Variants in SEC14L1 observed in about 807,000 individuals in gnomAD.
SEC14L1 encodes SEC14-like protein 1.
A neutral mutation model predicts 85.3 loss-of-function variants in SEC14L1; 48 were observed. The observed-to-expected ratio is 0.56, with a 90% CI of 0.45 to 0.72. The LOEUF is 0.72. Ranked by LOEUF, SEC14L1 falls within the 30% of genes least tolerant of loss-of-function variation. The pLI is 0.00. For missense variants in SEC14L1, 682 were observed against 921.4 expected (o/e 0.74, Z 3.36); for synonymous variants, 391 against 355.5 (o/e 1.10, Z -1.12).
Position 77,213,723 on chromosome 17 carries a change from C to A in SEC14L1, c.2043-195C>A. 1 of 864,392 alleles carries A rather than the reference C, an allele frequency of 1.2e-6. No individual in the cohort carries two copies. The highest frequency in any genetic ancestry group is 1.9e-6 in the Non-Finnish European group (1 of 532,748). 53.5% of individuals were successfully genotyped at this position (864,392 alleles called of 1,614,324 possible). Reference sequence around the variant, plus strand: ...CTGACTGCCTTTGCTTTAGCTCACACTGCCGTCTGCGTGCAGGCTGTGGGA... The same window carrying A: ...CTGACTGCCTTTGCTTTAGCTCACAATGCCGTCTGCGTGCAGGCTGTGGGA... On this transcript the variant is annotated intron_variant, in intron 16 of 16. Coordinates refer to ENST00000436233, the MANE Select transcript of SEC14L1 (RefSeq NM_001143998.2). The surrounding 1 kb of genome is among the most constrained non-coding windows in gnomAD (Gnocchi z 7.1).
chr17:77,203,518 T>C, intron 9 of SEC14L1, 52 bp from the exon 10 acceptor site: 1 of 1,474,808 alleles, frequency 6.8e-7, no homozygotes, highest in Non-Finnish European at 9.5e-7. Flanking sequence ...AGTTGTATCC[T>C]CAGTTTCAAC....
intron 3 of SEC14L1, among the ~76,000 whole-genome samples, chr17:77,115,779 G>C (rs1240750100): frequency 1.3e-5 from 2 of 152,154 alleles, no homozygotes; most frequent in African/African-American, 4.8e-5. Flanking sequence ...AGAGGTCGTG[G>C]GAGCTGTTTT....
chr17:77,155,855 C>G (rs1159379455), intron 3 of SEC14L1, among the ~76,000 whole-genome samples: 1 of 152,160 alleles, frequency 6.6e-6, no homozygotes, highest in African/African-American at 2.4e-5. Context: ...GCTGGGATTA[C>G]AGGCGTGAGC....
At chr17:77,139,227 G>T (rs1972890688), upstream of SEC14L1, among the ~76,000 whole-genome samples, 1 of 150,438 alleles carries the variant, frequency 6.6e-6, no homozygotes, top group Non-Finnish European at 1.5e-5. Flanking sequence ...GGAGTGCAGG[G>T]CAGGTGGCGT....
At chr17:77,182,972 C>G (rs1407380461) in intron 3 of SEC14L1, among the ~76,000 whole-genome samples, 2 of 152,240 alleles carry the variant, frequency 1.3e-5, no homozygotes, top group African/African-American at 4.8e-5. Context: ...GGAGAAGGCC[C>G]CGTCCCGCTG....
chr17:77,128,838 A>T (rs1446755398), intron 3 of SEC14L1, among the ~76,000 whole-genome samples: 1 of 152,002 alleles, frequency 6.6e-6, no homozygotes, highest in African/African-American at 2.4e-5. Context: ...CCAGATGACC[A>T]TCTCCCCATG....
rs1278599391 is a variant in SEC14L1, at chr17:77,206,455, T to G, written c.1341+55T>G. 6.4e-6 allele frequency: 10 copies of G among 1,565,942 alleles called. No individual in the cohort carries two copies. Among genetic ancestry groups the G allele is most frequent in the Non-Finnish European group, 8.7e-6 (10 of 1,142,958 alleles). On this transcript the variant is annotated intron_variant, in intron 12 of 16. Transcript: ENST00000436233. The surrounding 1 kb of genome is among the most constrained non-coding windows in gnomAD (Gnocchi z 4.3). ...TGAGCCATTTGGAAAGCAGATAACA[T>G]GCATTCATATACACGTGTCTGTGAC...
chr17:77,126,206 G>C (rs652143), intron 3 of SEC14L1, among the ~76,000 whole-genome samples: 46,488 of 152,132 alleles, frequency 0.31, 7,400 homozygotes, highest in South Asian at 0.37. Context: ...ACTGGAGTCA[G>C]ACTGTTGGGT....
chr17:77,115,416 C>T (rs960822394), intron 3 of SEC14L1, among the ~76,000 whole-genome samples: 1 of 151,988 alleles, frequency 6.6e-6, no homozygotes, highest in Non-Finnish European at 1.5e-5. Context: ...GCAATAAGAG[C>T]GAAACTCCAT....
At chr17:77,131,803 G>A (rs1567882748) in intron 3 of SEC14L1, among the ~76,000 whole-genome samples, 1 of 152,226 alleles carries the variant, frequency 6.6e-6, no homozygotes. Context: ...ACAAGGGAGT[G>A]AGTCTGTATT....
intron 3 of SEC14L1, among the ~76,000 whole-genome samples, chr17:77,173,662 A>C (rs954822199): frequency 2.0e-5 from 3 of 152,220 alleles, no homozygotes; most frequent in African/African-American, 7.2e-5. Flanking sequence ...GTAGCCAGAA[A>C]ACTGATGGTT....
At chr17:77,182,812 C>T (rs978460844) in intron 3 of SEC14L1, among the ~76,000 whole-genome samples, 4 of 152,224 alleles carry the variant, frequency 2.6e-5, no homozygotes, top group Non-Finnish European at 5.9e-5. Flanking sequence ...TGAAGGCCTG[C>T]TGATGTGGGC....
At chr17:77,197,044 G>A (rs1204932179) in intron 8 of SEC14L1, among the ~76,000 whole-genome samples, 1 of 152,238 alleles carries the variant, frequency 6.6e-6, no homozygotes, top group Non-Finnish European at 1.5e-5. Flanking sequence ...CCTGCCTGAG[G>A]TCTCACAGCC....
rs78692263 is a variant in SEC14L1, at chr17:77,144,241, T to A, written c.63+582T>A. 3.9e-5 allele frequency among the ~76,000 whole-genome samples: 6 copies of A among 152,352 alleles called. No individual in the cohort carries two copies. The East Asian group carries it at 1.2e-3, about 29-fold the overall frequency. On this transcript the variant is annotated intron_variant, in intron 3 of 16. Transcript: ENST00000436233. ...TTCTTCTTTTCCTTTCTCTTTTGTG[T>A]TATTATTAAGATATAACATACATAC...
intron 14 of SEC14L1, 55 bp downstream of exon 14, chr17:77,209,531 G>GC: frequency 6.4e-7 from 1 of 1,571,964 alleles, no homozygotes; most frequent in Admixed American, 1.8e-5. Flanking sequence ...AGAGGGCCTG[G>GC]CCCTCGCAGG....
rs768341608 is a variant in SEC14L1 at position 77,209,449 on chromosome 17, A to C, written c.1584A>C (p.Ala528=). The C allele has an allele frequency of 2.5e-6, 4 of 1,614,190 alleles. No individual in the cohort carries two copies. Among genetic ancestry groups the C allele is most frequent in the Non-Finnish European group, 3.4e-6 (4 of 1,180,022 alleles). Residue 528 remains alanine, a synonymous_variant, in exon 14 of 17, where the codon GCA becomes GCC. Transcript: ENST00000436233. ...GGACTGAGACCATCTACCAGTCTGC[A>C]AGCGTCTTCAAAGGAGCCCCACATG... is the stretch of plus-strand genomic sequence containing the variant. The part of the protein sequence containing the change: ...KLWTETIYQS[A]SVFKGAPHEI...
intron 13 of SEC14L1, among the ~76,000 whole-genome samples, chr17:77,207,200 T>G (rs1039797948): frequency 6.6e-6 from 1 of 152,136 alleles, no homozygotes; most frequent in African/African-American, 2.4e-5. Flanking sequence ...GTTAAAAAAT[T>G]GAATCAGTTC....
At chr17:77,102,923 T>C (rs888114621) in intron 3 of SEC14L1, among the ~76,000 whole-genome samples, 11 of 152,060 alleles carry the variant, frequency 7.2e-5, no homozygotes, top group African/African-American at 2.4e-4. Flanking sequence ...CTACTCAGCC[T>C]CCCAAGTAGC....
At chr17:77,128,013 A>G (rs1418946588) in intron 3 of SEC14L1, 2 of 152,130 alleles carry the variant, frequency 1.3e-5, no homozygotes, top group African/African-American at 2.4e-5. Flanking sequence ...CGACACTTTG[A>G]TTTCACCTCC....
Sources: gnomAD v4.1 joint callset for allele counts (sites outside exome capture counted in the v4.1 genomes callset) on GRCh38, gnomAD v4.1.1 for gene constraint, Gnocchi (gnomAD v3.1) non-coding constraint, MANE v1.5 for transcripts, NCBI Gene and HGNC (gene_info 2026-07-23, HGNC 2026-07-21) for gene names.